The following GALNT13 variants were observed in gnomAD, a reference collection of about 807,000 sequenced individuals.
The protein encoded by GALNT13 is polypeptide N-acetylgalactosaminyltransferase 13.
A neutral mutation model predicts 64.2 loss-of-function variants in GALNT13; 28 were observed. The ratio of observed to expected loss-of-function variants is 0.44; its 90% CI spans 0.32 to 0.60. The LOEUF is 0.60. Among genes scored for constraint, GALNT13 ranks in the 20% least tolerant of loss-of-function variants. The pLI is 0.05. For synonymous variants in GALNT13, 214 were observed against 224.6 expected (o/e 0.95, Z 0.42); for missense variants, 577 against 669.8 (o/e 0.86, Z 1.53).
At chr2:153,456,644 A>G in the GALNT13 span, among the ~76,000 whole-genome samples, 1 of 152,140 alleles carries the variant, frequency 6.6e-6, no homozygotes, top group East Asian at 1.9e-4. Context: ...GTTCTGTTCT[A>G]TGGGCTTTAT....
intron 3 of GALNT13, among the ~76,000 whole-genome samples, chr2:153,998,880 A>T (rs940783278): frequency 1.3e-5 from 2 of 152,142 alleles, no homozygotes; most frequent in African/African-American, 4.8e-5. Context: ...TCCCAACACC[A>T]TTTATTAAAT....
chr2:154,161,756 G>A (rs1483082874), intron 4 of GALNT13, among the ~76,000 whole-genome samples: 1 of 151,804 alleles, frequency 6.6e-6, no homozygotes, highest in African/African-American at 2.4e-5. Flanking sequence ...AAAAGACAAG[G>A]CTGAGCAACA....
chr2:153,771,925 G>C, the GALNT13 span, among the ~76,000 whole-genome samples: 7 of 152,276 alleles, frequency 4.6e-5, no homozygotes, highest in African/African-American at 1.7e-4. Flanking sequence ...CTAGAGTGGG[G>C]CACTCTACCC....
At chr2:153,168,847 T>G in the GALNT13 span, among the ~76,000 whole-genome samples, 1 of 152,284 alleles carries the variant, frequency 6.6e-6, no homozygotes, top group East Asian at 1.9e-4. Flanking sequence ...TATGCCCAAA[T>G]GTCAATTCAT....
chr2:154,092,216 G>A (rs1251468801), intron 3 of GALNT13, among the ~76,000 whole-genome samples: 3 of 151,556 alleles, frequency 2.0e-5, no homozygotes, highest in Non-Finnish European at 4.4e-5. Flanking sequence ...TGAAATCCCA[G>A]CCAAGTTAAC....
the GALNT13 span, among the ~76,000 whole-genome samples, chr2:153,748,529 G>T: frequency 6.6e-6 from 1 of 152,114 alleles, no homozygotes; most frequent in African/African-American, 2.4e-5. Context: ...GATAATCAAT[G>T]ATGAGTACCT....
intron 8 of GALNT13, among the ~76,000 whole-genome samples, chr2:154,277,658 A>G (rs1250400984): frequency 6.6e-6 from 1 of 152,152 alleles, no homozygotes; most frequent in Non-Finnish European, 1.5e-5. Context: ...ATCCAACTGT[A>G]AAAAATTGAG....
the GALNT13 span, among the ~76,000 whole-genome samples, chr2:153,158,431 C>CA: frequency 6.6e-6 from 1 of 151,942 alleles, no homozygotes. Context: ...TTTGTCATTA[C>CA]AAAAAATAAT....
At chr2:153,337,288 G>C in the GALNT13 span, among the ~76,000 whole-genome samples, 2 of 152,150 alleles carry the variant, frequency 1.3e-5, no homozygotes, top group African/African-American at 4.8e-5. Flanking sequence ...TTAAGAACTA[G>C]CAAATCTACC....
intron 1 of GALNT13, among the ~76,000 whole-genome samples, chr2:153,892,524 A>C: frequency 6.6e-6 from 1 of 152,164 alleles, no homozygotes; most frequent in Non-Finnish European, 1.5e-5. Context: ...AGTTAGGTTT[A>C]AAGATGTTCT....
chr2:153,955,157 A>G (rs565587877), intron 3 of GALNT13, among the ~76,000 whole-genome samples: 6 of 152,292 alleles, frequency 3.9e-5, no homozygotes, highest in African/African-American at 1.4e-4. Context: ...CAACCTAACA[A>G]GTCTTAGAAA....
the GALNT13 span, among the ~76,000 whole-genome samples, chr2:153,294,286 G>A: frequency 6.6e-6 from 1 of 152,196 alleles, no homozygotes; most frequent in African/African-American, 2.4e-5. Context: ...AGGTTCCCAG[G>A]AGTCACCTTG....
chr2:154,438,543 G>A, intron 11 of GALNT13, 49 bp from the exon 12 acceptor site: 1 of 1,447,624 alleles, frequency 6.9e-7, no homozygotes, highest in South Asian at 1.2e-5. Flanking sequence ...GCTCTATTGT[G>A]ACATTTTAAA....
rs536458647 is a variant in GALNT13 at position 154,272,860 on chromosome 2, C to T, written c.975+13722C>T. On this transcript the variant is annotated intron_variant, in intron 8 of 12. Transcript: ENST00000392825. ...ACAAATTAGGGTTTCATTTTTCTTA[C>T]GTGGAAAGGGAAAGTTAAAGTAAAT... Among the ~76,000 whole-genome samples, 9 of 151,874 alleles carry T rather than the reference C, an allele frequency of 5.9e-5. 1 individual carries two copies. Among genetic ancestry groups the T allele is most frequent in the South Asian group, 2.1e-4 (1 of 4,818 alleles).
intron 3 of GALNT13, among the ~76,000 whole-genome samples, chr2:154,120,296 G>A (rs1402950393): frequency 2.0e-5 from 3 of 152,148 alleles, no homozygotes; most frequent in African/African-American, 7.2e-5. Flanking sequence ...GGTCAGGCTG[G>A]TCACAGCATA....
chr2:153,345,797 C>T, the GALNT13 span, among the ~76,000 whole-genome samples: 55,338 of 139,520 alleles, frequency 0.4, 11,838 homozygotes, highest in Non-Finnish European at 0.43. Context: ...CTCTTTCTTT[C>T]TCTCTTTCTT....
At chr2:153,893,103 A>T (rs141057263) in intron 1 of GALNT13, among the ~76,000 whole-genome samples, 1 of 152,068 alleles carries the variant, frequency 6.6e-6, no homozygotes, top group Non-Finnish European at 1.5e-5. Flanking sequence ...CAGGGTTCCA[A>T]TCATTATAAC....
intron 4 of GALNT13, among the ~76,000 whole-genome samples, chr2:154,239,696 G>C (rs1689378404): frequency 6.6e-6 from 1 of 152,008 alleles, no homozygotes; most frequent in Non-Finnish European, 1.5e-5. Context: ...TTTCTTATAT[G>C]CACAGTATCT....
chr2:153,895,686 G>C (rs1687840926), intron 1 of GALNT13, among the ~76,000 whole-genome samples: 1 of 151,910 alleles, frequency 6.6e-6, no homozygotes, highest in Admixed American at 6.6e-5. Context: ...AGGAAAGTTG[G>C]GTACATCAGT....
Sources: gnomAD v4.1 joint callset for allele counts (sites outside exome capture counted in the v4.1 genomes callset) on GRCh38, gnomAD v4.1.1 for gene constraint, MANE v1.5 for transcripts, NCBI Gene and HGNC (gene_info 2026-07-23, HGNC 2026-07-21) for gene names.